Variants in FBLN1 observed in about 807,000 individuals in gnomAD.
FBLN1 encodes fibulin-1.
In FBLN1, 34 loss-of-function variants were observed where a neutral mutation model predicts 89.7. The observed-to-expected ratio is 0.38, with a 90% CI of 0.29 to 0.50. The LOEUF (loss-of-function observed/expected upper bound fraction) is 0.50. Among genes scored for constraint, FBLN1 ranks in the 20% least tolerant of loss-of-function variants. The pLI is 0.92. For missense variants in FBLN1, 777 were observed against 988.1 expected (o/e 0.79, Z 2.86); for synonymous variants, 393 against 391.3 (o/e 1.00, Z -0.05).
At position 45,583,988 on chromosome 22, in the gene FBLN1, G is replaced by C. The variant is rs2089063924; in HGVS notation, c.1972+6880G>C. 6.6e-6 allele frequency among the ~76,000 whole-genome samples: 1 copy of C among 152,154 alleles called. No individual in the cohort carries two copies. The highest frequency in any genetic ancestry group is 2.4e-5 in the African/African-American group (1 of 41,430). On this transcript the variant is annotated intron_variant, in intron 16 of 16. Transcript: ENST00000327858. The surrounding 1 kb of genome is among the most constrained non-coding windows in gnomAD (Gnocchi z 4.5). ...AGGCCTGCACTATCGATGTAGGTGTGAGGGTCTTTGGGTTGTATCCAGCTG... is the reference window on the plus strand; with the variant it reads ...AGGCCTGCACTATCGATGTAGGTGTCAGGGTCTTTGGGTTGTATCCAGCTG...
intron 8 of FBLN1, among the ~76,000 whole-genome samples, chr22:45,539,102 C>T (rs2088520311): frequency 8.0e-6 from 1 of 124,822 alleles, no homozygotes; most frequent in Non-Finnish European, 1.7e-5. Context: ...CCTCCCCCTC[C>T]CTTCTCCTCT....
rs367745667 is a variant in FBLN1 at position 45,537,389 on chromosome 22, C to T, written c.922+2052C>T. On this transcript the variant is annotated intron_variant, in intron 8 of 16. Coordinates refer to ENST00000327858, the MANE Select transcript of FBLN1 (RefSeq NM_006486.3). This position sits in a 1 kb window ranked among gnomAD's most constrained non-coding sequence, Gnocchi z 5.7. ...ATTCTGGTACTTTGGGAGGCCAAGG[C>T]GGGTGGATCACTTGAGGTCAGGAGT... is the stretch of plus-strand genomic sequence containing the variant. Among the ~76,000 whole-genome samples the T allele has an allele frequency of 2.2e-3, 338 of 152,154 alleles. 3 individuals carry two copies. Among genetic ancestry groups the T allele is most frequent in the African/African-American group, 7.8e-3 (324 of 41,518 alleles).
At position 45,588,548 on chromosome 22, in the gene FBLN1, A is replaced by C. The variant is rs926199006; in HGVS notation, c.1972+11440A>C. 2.0e-5 allele frequency among the ~76,000 whole-genome samples: 3 copies of C among 152,124 alleles called. No individual in the cohort carries two copies. Among genetic ancestry groups the C allele is most frequent in the Non-Finnish European group, 4.4e-5 (3 of 68,000 alleles). On this transcript the variant is annotated intron_variant, in intron 16 of 16. Transcript: ENST00000327858. The surrounding 1 kb of genome is among the most constrained non-coding windows in gnomAD (Gnocchi z 5.1). ...CAGATGCACCCACTGGGGTCACCCC[A>C]ACCCAGCCCCCAGCAGTTGCCCATA...
intron 14 of FBLN1, among the ~76,000 whole-genome samples, chr22:45,571,472 TATTTTTAAACTCTGAGCCGAATA>T (rs1255465978): frequency 3.3e-5 from 5 of 152,226 alleles, no homozygotes; most frequent in African/African-American, 1.2e-4. Flanking sequence ...ATAGCACATT[TATTTTTAAACTCTGAGCCGAATA>T]GGGAGAGCAT....
intron 2 of FBLN1, among the ~76,000 whole-genome samples, chr22:45,522,909 G>A (rs973919882): frequency 6.6e-6 from 1 of 152,176 alleles, no homozygotes; most frequent in Non-Finnish European, 1.5e-5. Context: ...TCTGGTGAGT[G>A]GGGATCAATC....
chr22:45,600,279 TC>T (rs768145675), intron 16 of FBLN1, 27 bp from the exon 17 acceptor site: 12 of 1,614,068 alleles, frequency 7.4e-6, no homozygotes, highest in African/African-American at 1.3e-5. Flanking sequence ...CCTTCTAACT[TC>T]CAGCACACCT....
chr22:45,525,903 C>T (rs184508112), intron 3 of FBLN1, among the ~76,000 whole-genome samples: 24 of 152,364 alleles, frequency 1.6e-4, no homozygotes, highest in East Asian at 9.6e-4. Flanking sequence ...GAGTCTCCCA[C>T]GAGGCCGGGG....
Position 45,600,829 on chromosome 22 carries a change from GCA to G in FBLN1, c.*385_*386del. Reference sequence around the variant, plus strand: ...TGATTGTATGAAATTTGACATTTTGGCACTTTTTTTTTTTTTTTGGCCAATCA... The same window carrying G: ...TGATTGTATGAAATTTGACATTTTGGCTTTTTTTTTTTTTTTGGCCAATCA... On this transcript the variant is annotated 3_prime_UTR_variant, in exon 17 of 17. Transcript: ENST00000327858. 8 of 290,772 alleles carry G rather than the reference GCA, an allele frequency of 2.8e-5. No individual in the cohort carries two copies. Among genetic ancestry groups the G allele is most frequent in the African/African-American group, 1.4e-4 (6 of 44,348 alleles). The allele number at this position is 290,772 out of a possible 1,614,324, so 18.0% of individuals were successfully genotyped here. A position where few individuals can be genotyped will look rare whatever the true frequency, so the allele number is the denominator to read the frequency against.
rs2088691878 is a variant in FBLN1, at chr22:45,550,760, C to T, written c.1697+145C>T. The stretch of plus-strand genomic sequence containing the variant: ...CACTCAAAGATCACCTGATCCCTGG[C>T]CCTCAAGCCCCTAAATGCTAGTGAC... On this transcript the variant is annotated intron_variant, in intron 14 of 16. Transcript: ENST00000327858. The surrounding 1 kb of genome is among the most constrained non-coding windows in gnomAD (Gnocchi z 8.4). 1 of 1,155,184 alleles carries T rather than the reference C, an allele frequency of 8.7e-7. No individual in the cohort carries two copies. The highest frequency in any genetic ancestry group is 1.3e-6 in the Non-Finnish European group (1 of 778,430). 71.6% of individuals were successfully genotyped at this position (1,155,184 alleles called of 1,614,324 possible).
At position 45,547,164 on chromosome 22, in the gene FBLN1, A is replaced by G; in HGVS notation, c.1401A>G (p.Arg467=). The G allele has an allele frequency of 6.2e-7, 1 of 1,614,096 alleles. No homozygotes were observed. The highest frequency in any genetic ancestry group is 8.5e-7 in the Non-Finnish European group (1 of 1,180,024). ...GCTCCTACCAGTGTTACTGCCGGCG[A>G]GGCTACCAGCTCAGCGATGTGGATG... ...VYGSYQCYCR[R]GYQLSDVDGV... The change falls in exon 12 of 17, where the codon CGA becomes CGG. Residue 467 remains arginine (R), a synonymous_variant. Transcript: ENST00000327858.
intron 8 of FBLN1, among the ~76,000 whole-genome samples, chr22:45,540,209 C>G (rs1304707487): frequency 6.6e-6 from 1 of 152,224 alleles, no homozygotes; most frequent in Non-Finnish European, 1.5e-5. Flanking sequence ...TGGCCCCTGA[C>G]TTCAGCCATG....
rs1382926505 is a variant in FBLN1 at position 45,577,827 on chromosome 22, G to A, written c.1972+719G>A. 1 of 156,878 alleles carries A rather than the reference G, an allele frequency of 6.4e-6. No individual in the cohort carries two copies. The highest frequency in any genetic ancestry group is 2.4e-5 in the African/African-American group (1 of 41,490). 9.7% of individuals were successfully genotyped at this position (156,878 alleles called of 1,614,324 possible). ...GGCAGGGCCCTCCCTGGCTAGGAAC[G>A]GGCTTTAATGACAACCTACTCGTGT... On this transcript the variant is annotated intron_variant, in intron 16 of 16. Transcript: ENST00000327858. The surrounding 1 kb of genome is among the most constrained non-coding windows in gnomAD (Gnocchi z 6.6).
rs986303006 is a variant in FBLN1 at position 45,579,181 on chromosome 22, C to A, written c.1972+2073C>A. On this transcript the variant is annotated intron_variant, in intron 16 of 16. Transcript: ENST00000327858. This position sits in a 1 kb window ranked among gnomAD's most constrained non-coding sequence, Gnocchi z 5.5. The stretch of plus-strand genomic sequence containing the variant: ...TGGCTGCATCTGCTCCAGACAGAAC[C>A]AACCTGGGAGTGTCTGTTTCTCAGC... Among the ~76,000 whole-genome samples, 1 of 152,242 alleles carries A rather than the reference C, an allele frequency of 6.6e-6. No homozygotes were observed. The highest frequency in any genetic ancestry group is 2.4e-5 in the African/African-American group (1 of 41,458).
Position 45,548,558 on chromosome 22 carries a change from G to A in FBLN1, c.1442-55G>A. ...CCCCCAGGGCGATGTAGCATGGCCA[G>A]CAGCCATGGCCAGGTGCCAGGACAC... On this transcript the variant is annotated intron_variant, in intron 12 of 16. Coordinates refer to ENST00000327858, the MANE Select transcript of FBLN1 (RefSeq NM_006486.3). The A allele has an allele frequency of 1.9e-6, 3 of 1,607,398 alleles. No homozygotes were observed. In the South Asian group the frequency reaches 3.3e-5, roughly 18 times the overall value.
chr22:45,519,954 G>A (rs946016974), intron 2 of FBLN1, among the ~76,000 whole-genome samples: 2 of 152,302 alleles, frequency 1.3e-5, no homozygotes, highest in Non-Finnish European at 2.9e-5. Flanking sequence ...TGGATCACCT[G>A]ATGTCAGGAG....
chr22:45,589,936 G>A (rs545348873), intron 16 of FBLN1, among the ~76,000 whole-genome samples: 49 of 152,222 alleles, frequency 3.2e-4, no homozygotes, highest in African/African-American at 1.1e-3. Flanking sequence ...ACCAGTTCCC[G>A]GTTTGGGGTG....
At chr22:45,519,220 G>GT (rs1301438675) in intron 2 of FBLN1, among the ~76,000 whole-genome samples, 1 of 152,200 alleles carries the variant, frequency 6.6e-6, no homozygotes, top group Non-Finnish European at 1.5e-5. Context: ...CCACCAGCCG[G>GT]TTTTTCAGCT....
Position 45,574,634 on chromosome 22 carries a change from C to T in FBLN1, c.1821C>T (p.Arg607=), listed in dbSNP as rs757106014. The T allele has an allele frequency of 1.1e-4, 175 of 1,613,954 alleles. No individual in the cohort carries two copies. The highest frequency in any genetic ancestry group is 2.7e-4 in the Admixed American group (16 of 60,016). ...SHTVISLPTF[R]EFTRPEEIIF... ...CCGTCATCTCGCTGCCTACCTTCCGCGAGTTCACCCGCCCTGAAGGTGAGT... is the reference window on the plus strand; with the variant it reads ...CCGTCATCTCGCTGCCTACCTTCCGTGAGTTCACCCGCCCTGAAGGTGAGT... The change falls in exon 15 of 17, where the codon CGC becomes CGT. Residue 607 remains arginine, a synonymous_variant. Coordinates refer to ENST00000327858, the MANE Select transcript of FBLN1 (RefSeq NM_006486.3). The surrounding 1 kb of genome is among the most constrained non-coding windows in gnomAD (Gnocchi z 4.1).
chr22:45,541,524 A>C (rs1253233304), intron 9 of FBLN1, 152 bp downstream of exon 9: 3 of 1,037,806 alleles, frequency 2.9e-6, no homozygotes, highest in Non-Finnish European at 4.3e-6. Context: ...ATGGGGCTTC[A>C]TTGTCTTGCC....
Sources: gnomAD v4.1 joint callset for allele counts (sites outside exome capture counted in the v4.1 genomes callset) on GRCh38, gnomAD v4.1.1 for gene constraint, Gnocchi (gnomAD v3.1) non-coding constraint, MANE v1.5 for transcripts, NCBI Gene and HGNC (gene_info 2026-07-23, HGNC 2026-07-21) for gene names.